The following CPEB3 variants were observed in gnomAD, a reference collection of about 807,000 sequenced individuals.
CPEB3 encodes the protein cytoplasmic polyadenylation element-binding protein 3.
CPEB3 carries 20 observed loss-of-function variants against 67.2 expected under a neutral mutation model. The observed-to-expected ratio is 0.30, with a 90% CI of 0.21 to 0.43. The LOEUF (loss-of-function observed/expected upper bound fraction) is 0.43. Ranked by LOEUF, CPEB3 falls within the 20% of genes least tolerant of loss-of-function variation. CPEB3 has a pLI of 1.00. For missense variants in CPEB3, 746 were observed against 968.6 expected (o/e 0.77, Z 3.05); for synonymous variants, 376 against 393.1 (o/e 0.96, Z 0.51).
chr10:92,189,698 ATTTTTTTTTT>A (rs1035403421), intron 3 of CPEB3, among the ~76,000 whole-genome samples: 4 of 88,056 alleles, frequency 4.5e-5, no homozygotes, highest in African/African-American at 1.3e-4. Context: ...GTCTCTAGTG[ATTTTTTTTTT>A]TTTTTTTTTT....
rs146597829 is a variant in CPEB3 at position 92,050,002 on chromosome 10, T to A, written c.*2210A>T. On this transcript the variant is annotated 3_prime_UTR_variant, in exon 10 of 10. Coordinates refer to ENST00000265997, the MANE Select transcript of CPEB3 (RefSeq NM_014912.5). ...ACTTAGAAAATATCATTTTCTTTCC[T>A]ATATTTCAAAATTGAGGTATTGCAA... 4.6e-5 allele frequency: 7 copies of A among 152,570 alleles called. No individual in the cohort carries two copies. The highest frequency in any genetic ancestry group is 8.8e-5 in the Non-Finnish European group (6 of 67,994). The allele number at this position is 152,570 out of a possible 1,614,324, so 9.5% of individuals were successfully genotyped here. A position where few individuals can be genotyped will look rare whatever the true frequency, so the allele number is the denominator to read the frequency against.
chr10:92,240,322 C>G lies in CPEB3; in HGVS notation c.29G>C (p.Ser10Thr), dbSNP rs907380654. 2.0e-6 allele frequency: 3 copies of G among 1,491,660 alleles called. No homozygotes were observed. In the African/African-American group the frequency reaches 4.3e-5, roughly 21 times the overall value. 92.4% of individuals were successfully genotyped at this position (1,491,660 alleles called of 1,614,324 possible). A position where few individuals can be genotyped will look rare whatever the true frequency, so the allele number is the denominator to read the frequency against. Reference protein sequence around the residue: MQDDLLMDKSKTQPQPQQQQ... With the variant: MQDDLLMDKTKTQPQPQQQQ... Reference sequence around the variant, plus strand: ...CTGCTGGGGCTGGGGCTGGGTTTTGCTTTTGTCCATCAGTAAATCATCCTG... The same window carrying G: ...CTGCTGGGGCTGGGGCTGGGTTTTGGTTTTGTCCATCAGTAAATCATCCTG... Residue 10 changes from serine to threonine, a missense_variant, in exon 2 of 10, where the codon AGC becomes ACC. Transcript: ENST00000265997.
chr10:92,054,084 T>C (rs1193678776), intron 9 of CPEB3, among the ~76,000 whole-genome samples: 1 of 152,224 alleles, frequency 6.6e-6, no homozygotes, highest in African/African-American at 2.4e-5. Flanking sequence ...TATATCTTCT[T>C]TGGAGATATA....
chr10:92,200,938 G>A (rs765179445), intron 2 of CPEB3, among the ~76,000 whole-genome samples: 11 of 152,144 alleles, frequency 7.2e-5, no homozygotes, highest in Admixed American at 2.6e-4. Flanking sequence ...CCTACATTTT[G>A]AGGCTGGATT....
chr10:92,158,154 C>T (rs1847294697), intron 4 of CPEB3, among the ~76,000 whole-genome samples: 1 of 151,956 alleles, frequency 6.6e-6, no homozygotes, highest in African/African-American at 2.4e-5. Flanking sequence ...TCACACAAAG[C>T]TTTTCTATGT....
chr10:92,279,698 C>T (rs1842170319), intron 1 of CPEB3, among the ~76,000 whole-genome samples: 1 of 151,476 alleles, frequency 6.6e-6, no homozygotes, highest in Non-Finnish European at 1.5e-5. Flanking sequence ...AGAACCTTGC[C>T]AGGAGTGAAA....
rs540973683 is a variant in CPEB3, at chr10:92,223,400, C to T, written c.1005+15946G>A. ...TCCACTCTAAAACCCACCTGATTTA[C>T]GAGTCATGAAAATTCTAATCTGCCA... On this transcript the variant is annotated intron_variant, in intron 2 of 9. Coordinates refer to ENST00000265997, the MANE Select transcript of CPEB3 (RefSeq NM_014912.5). Among the ~76,000 whole-genome samples the T allele has an allele frequency of 5.9e-5, 9 of 152,162 alleles. No individual in the cohort carries two copies. The South Asian group carries it at 1.0e-3, about 18-fold the overall frequency.
chr10:92,071,032 T>A (rs1329389653), intron 9 of CPEB3, among the ~76,000 whole-genome samples: 1 of 150,724 alleles, frequency 6.6e-6, no homozygotes. Context: ...TATCGTATAT[T>A]GACAGAGTGC....
chr10:92,091,786 G>A (rs1209087239), intron 8 of CPEB3, 44 bp downstream of exon 8: 2 of 1,197,796 alleles, frequency 1.7e-6, no homozygotes, highest in Admixed American at 4.0e-5. Context: ...TGGGGATTTT[G>A]TTGTTGTTGG....
At chr10:92,164,282 G>T (rs1252320903) in intron 4 of CPEB3, among the ~76,000 whole-genome samples, 1 of 152,102 alleles carries the variant, frequency 6.6e-6, no homozygotes, top group African/African-American at 2.4e-5. Context: ...GGTTTAGTCT[G>T]GCTCTAAAGC....
In CPEB3 at chr10:92,068,234, GCA is replaced by G. The variant is rs550237422; in HGVS notation, c.1869+13084_1869+13085del. ...CAGAGGGGTGGGCTGACAGTATCTG[GCA>G]CAGTCTGGTTTCCTGCTATGCTGCT... On this transcript the variant is annotated intron_variant, in intron 9 of 9. Transcript: ENST00000265997. 1.3e-3 allele frequency among the ~76,000 whole-genome samples: 195 copies of G among 152,266 alleles called. 1 individual carries two copies. Among genetic ancestry groups the G allele is most frequent in the African/African-American group, 4.4e-3 (184 of 41,548 alleles).
intron 2 of CPEB3, among the ~76,000 whole-genome samples, chr10:92,238,176 C>T (rs1851632206): frequency 6.6e-6 from 1 of 152,198 alleles, no homozygotes; most frequent in Non-Finnish European, 1.5e-5. Flanking sequence ...GCCTTCCCCT[C>T]TCCCCTTTTT....
At chr10:92,101,523 G>A (rs772694071) in intron 7 of CPEB3, among the ~76,000 whole-genome samples, 1 of 152,114 alleles carries the variant, frequency 6.6e-6, no homozygotes, top group Non-Finnish European at 1.5e-5. Flanking sequence ...TAGTGGTGAT[G>A]AACTCAGACC....
intron 4 of CPEB3, among the ~76,000 whole-genome samples, chr10:92,171,718 G>A (rs979438989): frequency 9.9e-5 from 15 of 152,004 alleles, no homozygotes; most frequent in African/African-American, 3.1e-4. Context: ...GGGTTCAAGC[G>A]ATTCTCCTGC....
chr10:92,150,083 A>T (rs140086355), intron 4 of CPEB3, among the ~76,000 whole-genome samples: 7 of 152,328 alleles, frequency 4.6e-5, no homozygotes, highest in Admixed American at 1.3e-4. Context: ...TGCAGAAAGG[A>T]TTTAAAAGAC....
At chr10:92,240,960 G>C (rs1851822474) in intron 1 of CPEB3, among the ~76,000 whole-genome samples, 2 of 152,164 alleles carry the variant, frequency 1.3e-5, no homozygotes, top group South Asian at 4.1e-4. Flanking sequence ...CCACGAGGGA[G>C]GAATCCTTGG....
chr10:92,257,230 T>A (rs4933228), intron 1 of CPEB3, among the ~76,000 whole-genome samples: 103,258 of 152,264 alleles, frequency 0.68, 36,794 homozygotes, highest in African/African-American at 0.9. Flanking sequence ...TCCTTGAGCC[T>A]TATTTCTAAA....
At chr10:92,256,711 T>C (rs569336009) in intron 1 of CPEB3, among the ~76,000 whole-genome samples, 2 of 152,326 alleles carry the variant, frequency 1.3e-5, no homozygotes, top group Admixed American at 1.3e-4. Flanking sequence ...ACACGTACTC[T>C]TCCCAGCCAT....
intron 7 of CPEB3, among the ~76,000 whole-genome samples, chr10:92,098,770 C>CTTTTTTTTTTTTTT (rs984013045): frequency 3.2e-5 from 4 of 124,556 alleles, no homozygotes; most frequent in Non-Finnish European, 3.4e-5. Flanking sequence ...TTCTTTTTTT[C>CTTTTTTTTTTTTTT]TTTTTTTTTT....
Sources: allele counts gnomAD v4.1 joint callset (sites outside exome capture counted in the v4.1 genomes callset), GRCh38; gene constraint gnomAD v4.1.1; transcripts MANE v1.5; gene names NCBI Gene and HGNC (gene_info 2026-07-23, HGNC 2026-07-21).